Variants in MARCHF1 observed in about 807,000 individuals in gnomAD.
MARCHF1 encodes membrane associated ring-CH-type finger 1, also known as E3 ubiquitin-protein ligase MARCHF1.
In MARCHF1, 40 loss-of-function variants were observed where a neutral mutation model predicts 54.2. The ratio of observed to expected loss-of-function variants is 0.74; its 90% CI spans 0.57 to 0.96. MARCHF1 has a LOEUF of 0.96. MARCHF1 is among the 40% of genes least tolerant of loss of function. The pLI, the probability that MARCHF1 is intolerant of heterozygous loss-of-function variation, is 0.00. For missense variants in MARCHF1, 586 were observed against 656.5 expected (o/e 0.89, Z 1.17); for synonymous variants, 236 against 236.3 (o/e 1.00, Z 0.01).
At chr4:163,701,416 A>G (rs969062536) in intron 4 of MARCHF1, among the ~76,000 whole-genome samples, 1 of 152,142 alleles carries the variant, frequency 6.6e-6, no homozygotes, top group Non-Finnish European at 1.5e-5. Flanking sequence ...AAAACTTAAA[A>G]CTTTTATAAA....
intron 1 of MARCHF1, among the ~76,000 whole-genome samples, chr4:164,147,868 C>A (rs1262673089): frequency 1.3e-5 from 2 of 149,766 alleles, no homozygotes; most frequent in Admixed American, 6.7e-5. Context: ...TCTCTTATGG[C>A]AAAAAAAAAA....
intron 3 of MARCHF1, among the ~76,000 whole-genome samples, chr4:163,869,112 AC>A (rs1750116800): frequency 6.6e-6 from 1 of 151,414 alleles, no homozygotes; most frequent in African/African-American, 2.4e-5. Flanking sequence ...TCCCCCAAAA[AC>A]CCCCCAAAAA....
chr4:163,619,420 C>A (rs1344699360), intron 5 of MARCHF1, among the ~76,000 whole-genome samples: 2 of 151,934 alleles, frequency 1.3e-5, no homozygotes, highest in African/African-American at 4.8e-5. Flanking sequence ...GAAAGATCAA[C>A]TGAAAAAGTG....
At chr4:164,120,453 T>A (rs550444139) in intron 1 of MARCHF1, among the ~76,000 whole-genome samples, 2 of 152,176 alleles carry the variant, frequency 1.3e-5, no homozygotes, top group African/African-American at 4.8e-5. Flanking sequence ...CAGAGAAATA[T>A]CAGATTTAAT....
At chr4:163,623,063 G>A (rs1741743061) in intron 5 of MARCHF1, among the ~76,000 whole-genome samples, 1 of 152,156 alleles carries the variant, frequency 6.6e-6, no homozygotes, top group African/African-American at 2.4e-5. Context: ...GGCAAGGCAG[G>A]AAATCTGGTT....
intron 1 of MARCHF1, among the ~76,000 whole-genome samples, chr4:164,147,114 C>G (rs62350044): frequency 0.39 from 58,811 of 151,862 alleles, 12,728 homozygotes; most frequent in Non-Finnish European, 0.49. Flanking sequence ...CAAATCAAAA[C>G]CACTATGAGA....
chr4:163,826,659 T>C (rs554055676), intron 4 of MARCHF1, among the ~76,000 whole-genome samples: 47 of 152,098 alleles, frequency 3.1e-4, no homozygotes, highest in Non-Finnish European at 5.6e-4. Flanking sequence ...TAAAAGTAGA[T>C]AAGTATATTA....
At chr4:164,351,470 C>T (rs1417389210) in intron 1 of MARCHF1, among the ~76,000 whole-genome samples, 2 of 151,286 alleles carry the variant, frequency 1.3e-5, no homozygotes, top group Non-Finnish European at 3.0e-5. Context: ...CCCCGAGCAG[C>T]CTAACTGGGA....
chr4:163,593,410 A>G (rs972060436), intron 7 of MARCHF1, among the ~76,000 whole-genome samples: 1 of 152,208 alleles, frequency 6.6e-6, no homozygotes, highest in Non-Finnish European at 1.5e-5. Context: ...ATTTGGCTTT[A>G]ATATGTAGCT....
chr4:164,330,825 C>A (rs911425138), intron 1 of MARCHF1, among the ~76,000 whole-genome samples: 2 of 152,072 alleles, frequency 1.3e-5, no homozygotes, highest in African/African-American at 4.8e-5. Flanking sequence ...TTTTTTGAAA[C>A]GAAGCTGTTA....
At chr4:164,365,433 C>T (rs954319854) in intron 1 of MARCHF1, among the ~76,000 whole-genome samples, 4 of 151,842 alleles carry the variant, frequency 2.6e-5, no homozygotes, top group Non-Finnish European at 5.9e-5. Flanking sequence ...AGAGAAAAAT[C>T]GTAAGGTAAC....
At chr4:164,123,702 G>C (rs1756123890) in intron 1 of MARCHF1, among the ~76,000 whole-genome samples, 1 of 152,112 alleles carries the variant, frequency 6.6e-6, no homozygotes, top group African/African-American at 2.4e-5. Flanking sequence ...CTGGGGAAAA[G>C]ACAGTCTCTT....
chr4:164,311,120 T>C (rs191575322), intron 1 of MARCHF1, among the ~76,000 whole-genome samples: 3 of 152,286 alleles, frequency 2.0e-5, no homozygotes, highest in East Asian at 1.9e-4. Context: ...GTTTATTTAG[T>C]ATGCTAACAG....
chr4:164,032,657 T>C (rs1158726726), intron 2 of MARCHF1, among the ~76,000 whole-genome samples: 3 of 152,182 alleles, frequency 2.0e-5, no homozygotes, highest in Non-Finnish European at 4.4e-5. Flanking sequence ...GCGAGTTTCT[T>C]AATCCTGAGT....
intron 5 of MARCHF1, among the ~76,000 whole-genome samples, chr4:163,685,878 G>A (rs184453232): frequency 1.7e-3 from 255 of 152,292 alleles, no homozygotes; most frequent in Non-Finnish European, 3.4e-3. Flanking sequence ...GGATTATGGA[G>A]GTGGTTTGGC....
At chr4:163,956,413 A>T (rs916928996) in intron 3 of MARCHF1, among the ~76,000 whole-genome samples, 2 of 152,152 alleles carry the variant, frequency 1.3e-5, no homozygotes, top group Non-Finnish European at 2.9e-5. Flanking sequence ...CTGGTAAATT[A>T]GCTAACAAAG....
At chr4:164,360,731 T>A (rs1446837889) in intron 1 of MARCHF1, among the ~76,000 whole-genome samples, 1 of 152,120 alleles carries the variant, frequency 6.6e-6, no homozygotes, top group Non-Finnish European at 1.5e-5. Context: ...CACTGTTCTC[T>A]CTGCTACGGT....
At chr4:164,074,066 C>T (rs2111097821) in intron 2 of MARCHF1, among the ~76,000 whole-genome samples, 1 of 152,264 alleles carries the variant, frequency 6.6e-6, no homozygotes, top group Middle Eastern at 3.4e-3. Context: ...TCCCTGAGAT[C>T]TTGCTATATA....
intron 1 of MARCHF1, among the ~76,000 whole-genome samples, chr4:164,376,965 T>C (rs527574924): frequency 1.8e-3 from 273 of 152,276 alleles, no homozygotes; most frequent in African/African-American, 6.3e-3. Flanking sequence ...TGAGCCTCAA[T>C]GTCAGTACCT....
Sources: gnomAD v4.1 joint callset for allele counts (sites outside exome capture counted in the v4.1 genomes callset) on GRCh38, gnomAD v4.1.1 for gene constraint, MANE v1.5 for transcripts, NCBI Gene and HGNC (gene_info 2026-07-23, HGNC 2026-07-21) for gene names.